The following CCSER1 variants were observed in gnomAD, a reference collection of about 807,000 sequenced individuals.
The protein encoded by CCSER1 is coiled-coil serine rich protein 1.
A neutral mutation model predicts 82.0 loss-of-function variants in CCSER1; 41 were observed. The ratio of observed to expected loss-of-function variants is 0.50; its 90% confidence interval spans 0.39 to 0.65. The LOEUF is 0.65. Among genes scored for constraint, CCSER1 ranks in the 30% least tolerant of loss-of-function variants. The pLI is 0.00. For synonymous variants in CCSER1, 414 were observed against 383.9 expected, an observed-to-expected ratio of 1.08 and a Z score of -0.92; for missense variants, 1,119 against 1,064.2, an observed-to-expected ratio of 1.05 and a Z score of -0.72.
At chr4:91,431,604 A>AT (rs1455285910) in intron 10 of CCSER1, among the ~76,000 whole-genome samples, 5 of 151,932 alleles carry the variant, frequency 3.3e-5, no homozygotes, top group African/African-American at 1.2e-4. Context: ...AGTAGCTGGG[A>AT]TTACGGGCAT....
At chr4:91,283,892 A>T (rs931353351) in intron 10 of CCSER1, among the ~76,000 whole-genome samples, 1 of 152,086 alleles carries the variant, frequency 6.6e-6, no homozygotes, top group Non-Finnish European at 1.5e-5. Flanking sequence ...TGTAAACATG[A>T]CTGTGTTCCT....
chr4:91,303,666 A>T (rs1578155377), intron 10 of CCSER1, among the ~76,000 whole-genome samples: 2 of 151,976 alleles, frequency 1.3e-5, no homozygotes, highest in East Asian at 3.9e-4. Context: ...GCAGTGGTGC[A>T]TGCCTGTAAT....
chr4:91,080,905 G>T (rs1241170675), intron 9 of CCSER1, among the ~76,000 whole-genome samples: 1 of 152,152 alleles, frequency 6.6e-6, no homozygotes, highest in Non-Finnish European at 1.5e-5. Context: ...TGAAATTGAG[G>T]TAATAATTAA....
At chr4:90,219,659 A>T (rs886636020) in intron 1 of CCSER1, among the ~76,000 whole-genome samples, 3 of 152,172 alleles carry the variant, frequency 2.0e-5, no homozygotes, top group African/African-American at 7.2e-5. Flanking sequence ...GATTTTTCAG[A>T]TCCCACTACT....
chr4:90,853,905 G>A (rs1764160282), intron 8 of CCSER1, among the ~76,000 whole-genome samples: 1 of 151,932 alleles, frequency 6.6e-6, no homozygotes, highest in South Asian at 2.1e-4. Flanking sequence ...GGGAAGAGGG[G>A]GATGCAGCCC....
At chr4:90,579,873 T>C (rs1483504939) in intron 5 of CCSER1, among the ~76,000 whole-genome samples, 1 of 150,160 alleles carries the variant, frequency 6.7e-6, no homozygotes, top group Non-Finnish European at 1.5e-5. Flanking sequence ...AAGGATTTTT[T>C]TTTAAAGATG....
intron 10 of CCSER1, among the ~76,000 whole-genome samples, chr4:91,508,596 T>C (rs1399048796): frequency 6.6e-6 from 1 of 151,450 alleles, no homozygotes; most frequent in Non-Finnish European, 1.5e-5. Flanking sequence ...TTGGTTTAGG[T>C]ATCAGTGAAA....
chr4:90,237,637 G>A (rs999753851), intron 1 of CCSER1, among the ~76,000 whole-genome samples: 2 of 152,082 alleles, frequency 1.3e-5, no homozygotes, highest in Admixed American at 6.6e-5. Flanking sequence ...TAACTATATG[G>A]GAAGTCTTTG....
At chr4:90,415,859 A>AT (rs1174505023) in intron 4 of CCSER1, among the ~76,000 whole-genome samples, 1 of 152,246 alleles carries the variant, frequency 6.6e-6, no homozygotes, top group Non-Finnish European at 1.5e-5. Context: ...GCTAAAACAC[A>AT]TTTTAGTGTT....
intron 4 of CCSER1, among the ~76,000 whole-genome samples, chr4:90,438,221 G>A (rs1759329141): frequency 6.6e-6 from 1 of 152,052 alleles, no homozygotes; most frequent in Non-Finnish European, 1.5e-5. Flanking sequence ...CACAACTTTA[G>A]AAGTATAAAT....
chr4:91,063,163 G>A (rs1286645618), intron 9 of CCSER1, among the ~76,000 whole-genome samples: 1 of 152,114 alleles, frequency 6.6e-6, no homozygotes, highest in Non-Finnish European at 1.5e-5. Flanking sequence ...AGAAAATGCT[G>A]TAGTATTAGT....
intron 3 of CCSER1, among the ~76,000 whole-genome samples, chr4:90,320,573 T>A (rs1469087976): frequency 6.6e-6 from 1 of 152,178 alleles, no homozygotes. Context: ...ATATTTGTGG[T>A]ATTCATTAAG....
chr4:91,073,066 G>A (rs1581478522), intron 9 of CCSER1, among the ~76,000 whole-genome samples: 1 of 151,770 alleles, frequency 6.6e-6, no homozygotes, highest in East Asian at 1.9e-4. Flanking sequence ...TTTTTAAATG[G>A]GACGTGAACA....
intron 8 of CCSER1, among the ~76,000 whole-genome samples, chr4:90,892,128 A>G (rs1723049326): frequency 6.6e-6 from 1 of 152,142 alleles, no homozygotes; most frequent in South Asian, 2.1e-4. Flanking sequence ...AAATACATTT[A>G]TCTAAAGTGT....
chr4:90,406,327 A>C (rs1449496868), intron 4 of CCSER1, among the ~76,000 whole-genome samples: 1 of 152,320 alleles, frequency 6.6e-6, no homozygotes, highest in African/African-American at 2.4e-5. Flanking sequence ...CTAAATATAT[A>C]TGCACCTAAC....
chr4:90,897,069 T>C (rs1723819366), intron 8 of CCSER1, among the ~76,000 whole-genome samples: 1 of 152,004 alleles, frequency 6.6e-6, no homozygotes, highest in Non-Finnish European at 1.5e-5. Context: ...TTGAATTTTG[T>C]TTTATATTTG....
chr4:90,454,967 G>C lies in CCSER1; in HGVS notation c.1604-13267G>C, dbSNP rs547929509. Among the ~76,000 whole-genome samples, 27 of 152,252 alleles carry C rather than the reference G, an allele frequency of 1.8e-4. 1 individual carries two copies. In the South Asian group the frequency reaches 5.2e-3, roughly 29 times the overall value. On this transcript the variant is annotated intron_variant, in intron 4 of 10. Transcript: ENST00000509176. ...AGATTTCTAGGATGGAACAAACTTA[G>C]AGAGAACCTGGATAAGGGAAGTGGA... is the stretch of plus-strand genomic sequence containing the variant.
intron 10 of CCSER1, among the ~76,000 whole-genome samples, chr4:91,576,446 A>T (rs868771466): frequency 6.6e-6 from 1 of 152,000 alleles, no homozygotes; most frequent in African/African-American, 2.4e-5. Flanking sequence ...CCAAACTTTC[A>T]GTTATGAGTA....
Position 90,906,865 on chromosome 4 carries a change from C to T in CCSER1, c.2095-16505C>T, listed in dbSNP as rs144992437. ...TATTAGTCAGTGCCATTTTAACTCT[C>T]CTAAATCTTCGCAATGCCTATATTC... is the stretch of plus-strand genomic sequence containing the variant. On this transcript the variant is annotated intron_variant, in intron 8 of 10. Coordinates refer to ENST00000509176, the MANE Select transcript of CCSER1 (RefSeq NM_001145065.2). 5.7e-3 allele frequency among the ~76,000 whole-genome samples: 870 copies of T among 152,062 alleles called. 5 individuals are homozygous for T. Among genetic ancestry groups the T allele is most frequent in the Non-Finnish European group, 5.8e-3 (393 of 67,950 alleles).
Sources: allele counts gnomAD v4.1 joint callset (sites outside exome capture counted in the v4.1 genomes callset), GRCh38; gene constraint gnomAD v4.1.1; transcripts MANE v1.5; gene names NCBI Gene and HGNC (gene_info 2026-07-23, HGNC 2026-07-21).